ZBBX: variants seen among roughly 807,000 people sequenced by gnomAD.
The protein encoded by ZBBX is zinc finger B-box domain-containing protein 1.
ZBBX carries 101 observed loss-of-function variants against 108.5 expected under a neutral mutation model. The observed-to-expected ratio is 0.93, with a 90% CI of 0.79 to 1.10. The LOEUF (loss-of-function observed/expected upper bound fraction) is 1.10, where lower values mean the gene tolerates loss of function less well. Among genes scored for constraint, ZBBX ranks in the 50% least tolerant of loss-of-function variants. The probability of loss-of-function intolerance (pLI) is 0.00; values close to 1 mark genes in which losing one functional copy is unlikely to be tolerated. For synonymous variants in ZBBX, 356 were observed against 323.4 expected, an observed-to-expected ratio of 1.10 and a Z score of -1.08; for missense variants, 1,009 against 941.4, an observed-to-expected ratio of 1.07 and a Z score of -0.94.
rs920133388 is a variant in ZBBX, at chr3:167,289,040, A to G, written c.1880-57T>C. The G allele has an allele frequency of 4.8e-6, 6 of 1,257,426 alleles. No homozygotes were observed. In the African/African-American group the frequency reaches 8.9e-5, roughly 19 times the overall value. 77.9% of individuals were successfully genotyped at this position (1,257,426 alleles called of 1,614,324 possible). ...GTTTGAAAAGAAGAAAATCCATTTT[A>G]TTAGTTTTATATTTATGTCTTACTG... is the stretch of plus-strand genomic sequence containing the variant. On this transcript the variant is annotated intron_variant, in intron 18 of 21. Coordinates refer to ENST00000675490, the MANE Select transcript of ZBBX (RefSeq NM_001199201.2).
At chr3:167,229,278 A>C in the ZBBX span, among the ~76,000 whole-genome samples, 1 of 151,776 alleles carries the variant, frequency 6.6e-6, no homozygotes, top group Non-Finnish European at 1.5e-5. Context: ...AATTTAACTC[A>C]TTCTTAAGAC....
chr3:167,239,392 G>T (rs1450401007), downstream of ZBBX, among the ~76,000 whole-genome samples: 1 of 151,902 alleles, frequency 6.6e-6, no homozygotes, highest in Non-Finnish European at 1.5e-5. Context: ...CTTATACATG[G>T]ATTTTCTTCT....
At chr3:167,290,858 C>G (rs1730555590) in intron 18 of ZBBX, among the ~76,000 whole-genome samples, 2 of 152,134 alleles carry the variant, frequency 1.3e-5, no homozygotes, top group Non-Finnish European at 2.9e-5. Flanking sequence ...TAGAGAAGAA[C>G]ATAAATGACC....
At chr3:167,221,931 T>C in the ZBBX span, among the ~76,000 whole-genome samples, 1 of 151,974 alleles carries the variant, frequency 6.6e-6, no homozygotes, top group Admixed American at 6.6e-5. Flanking sequence ...CTGGTGGGGA[T>C]GTGGAGAAAA....
chr3:167,365,759 G>C (rs1577099529), intron 6 of ZBBX, 127 bp downstream of exon 6: 5 of 485,262 alleles, frequency 1.0e-5, no homozygotes, highest in Non-Finnish European at 1.7e-5. Flanking sequence ...AAATCAACAA[G>C]TGAATAATAT....
chr3:167,285,587 G>T (rs562741020), intron 19 of ZBBX, among the ~76,000 whole-genome samples: 44 of 152,126 alleles, frequency 2.9e-4, no homozygotes, highest in Non-Finnish European at 2.9e-4. Flanking sequence ...TTATCTTATA[G>T]AATTAGAAAA....
At chr3:167,222,149 T>C in the ZBBX span, among the ~76,000 whole-genome samples, 1 of 151,542 alleles carries the variant, frequency 6.6e-6, no homozygotes, top group Non-Finnish European at 1.5e-5. Context: ...ATTTGAAAGC[T>C]ATCTAAGTGT....
intron 18 of ZBBX, among the ~76,000 whole-genome samples, chr3:167,293,222 C>G (rs901714808): frequency 3.9e-5 from 6 of 152,142 alleles, no homozygotes; most frequent in Admixed American, 3.9e-4. Flanking sequence ...CATCCTGATA[C>G]CAAAACCTGG....
At chr3:167,182,755 CA>C in the ZBBX span, among the ~76,000 whole-genome samples, 1 of 152,184 alleles carries the variant, frequency 6.6e-6, no homozygotes, top group South Asian at 2.1e-4. Flanking sequence ...CAATAGGAAT[CA>C]TCTGACTGCA....
chr3:167,338,868 G>T (rs968461629), intron 9 of ZBBX, among the ~76,000 whole-genome samples: 1 of 152,070 alleles, frequency 6.6e-6, no homozygotes, highest in Admixed American at 6.6e-5. Context: ...GTGATTGTTC[G>T]ATATGATTGG....
At chr3:167,331,610 G>C in intron 10 of ZBBX, 1 of 985,376 alleles carries the variant, frequency 1.0e-6, no homozygotes, top group Non-Finnish European at 1.2e-6. Context: ...CTGGAGGGTT[G>C]TACATTAGCT....
At chr3:167,275,210 T>C (rs1247456220) in intron 20 of ZBBX, among the ~76,000 whole-genome samples, 1 of 152,206 alleles carries the variant, frequency 6.6e-6, no homozygotes, top group Admixed American at 6.5e-5. Flanking sequence ...CTACTAAATA[T>C]ATATTCTTCT....
the ZBBX span, among the ~76,000 whole-genome samples, chr3:167,219,810 A>C: frequency 5.3e-5 from 8 of 151,970 alleles, no homozygotes; most frequent in Admixed American, 5.3e-4. Context: ...CAAAAGATCA[A>C]TGAATGAAAA....
chr3:167,387,067 T>G (rs1747943078), intron 1 of ZBBX, among the ~76,000 whole-genome samples: 1 of 152,052 alleles, frequency 6.6e-6, no homozygotes, highest in South Asian at 2.1e-4. Context: ...AAGAAAGGTA[T>G]CATTCTTATG....
the ZBBX span, among the ~76,000 whole-genome samples, chr3:167,202,380 C>T: frequency 2.0e-5 from 3 of 152,124 alleles, no homozygotes; most frequent in Non-Finnish European, 4.4e-5. Context: ...GATATGCAAA[C>T]TTCATTAGAG....
rs184510561 is a variant in ZBBX at position 167,242,143 on chromosome 3, T to G, written c.2393+362A>C. Among the ~76,000 whole-genome samples, 1,285 of 152,300 alleles carry G rather than the reference T, an allele frequency of 8.4e-3. 12 individuals carry two copies. The highest frequency in any genetic ancestry group is 0.012 in the Non-Finnish European group (802 of 68,006). On this transcript the variant is annotated intron_variant, in intron 21 of 21. Transcript: ENST00000675490. ...TTGATTCTAAAAACCTTATTCACATTGGGTAGGATTCTATTAATACAAAGT... is the reference window on the plus strand; with the variant it reads ...TTGATTCTAAAAACCTTATTCACATGGGGTAGGATTCTATTAATACAAAGT...
intron 1 of ZBBX, among the ~76,000 whole-genome samples, chr3:167,388,189 G>A (rs773658406): frequency 4.6e-5 from 7 of 151,944 alleles, no homozygotes; most frequent in Non-Finnish European, 1.0e-4. Flanking sequence ...TAAATGAGGA[G>A]CAAGCCATGC....
intron 20 of ZBBX, among the ~76,000 whole-genome samples, chr3:167,250,671 C>A (rs1341697195): frequency 6.6e-6 from 1 of 152,080 alleles, no homozygotes; most frequent in African/African-American, 2.4e-5. Flanking sequence ...AACAATGCCC[C>A]CTGTCAGCAG....
At chr3:167,355,740 A>G (rs1355617929) in intron 8 of ZBBX, among the ~76,000 whole-genome samples, 3 of 151,994 alleles carry the variant, frequency 2.0e-5, no homozygotes, top group Non-Finnish European at 4.4e-5. Flanking sequence ...TGAATTTTTA[A>G]ATAGCTTTTT....
Sources: gnomAD v4.1 joint callset for allele counts (sites outside exome capture counted in the v4.1 genomes callset) on GRCh38, gnomAD v4.1.1 for gene constraint, MANE v1.5 for transcripts, NCBI Gene and HGNC (gene_info 2026-07-23, HGNC 2026-07-21) for gene names.